The following TMCC3 variants were observed in gnomAD, a reference collection of about 807,000 sequenced individuals.
The protein encoded by TMCC3 is transmembrane and coiled-coil domain family 3.
TMCC3 carries 28 observed loss-of-function variants against 40.2 expected under a neutral mutation model. That is an observed-to-expected ratio of 0.70 (90% CI 0.52 to 0.95). TMCC3 has a LOEUF of 0.95. Among genes scored for constraint, TMCC3 ranks in the 40% least tolerant of loss-of-function variants. TMCC3 has a pLI of 0.00. For synonymous variants in TMCC3, 255 were observed against 248.5 expected (o/e 1.03, Z -0.25); for missense variants, 554 against 615.2 (o/e 0.90, Z 1.05).
intron 3 of TMCC3, among the ~76,000 whole-genome samples, chr12:94,572,460 G>A (rs995370191): frequency 2.0e-5 from 3 of 151,766 alleles, no homozygotes; most frequent in Admixed American, 6.6e-5. Context: ...ACAGGTGCAC[G>A]CCACCACGCT....
chr12:94,597,354 A>G (rs2068724617), intron 1 of TMCC3, among the ~76,000 whole-genome samples: 2 of 151,626 alleles, frequency 1.3e-5, no homozygotes, highest in African/African-American at 4.9e-5. Context: ...TCTCCCACGT[A>G]CAGAATATGC....
intron 1 of TMCC3, among the ~76,000 whole-genome samples, chr12:94,628,051 C>T (rs2068913009): frequency 6.6e-6 from 1 of 152,226 alleles, no homozygotes; most frequent in South Asian, 2.1e-4. Context: ...CCTGACGTAC[C>T]ACATAGCCCG....
At position 94,567,985 on chromosome 12, in the gene TMCC3, T is replaced by G. The variant is rs1404013894; in HGVS notation, c.*3450A>C. ...ATATGCTAGAGAAATGGCAAGGCAA[T>G]AAACACAGAGTGGGGCAATATTTAA... On this transcript the variant is annotated 3_prime_UTR_variant, in exon 4 of 4. Transcript: ENST00000261226. 1 of 152,038 alleles carries G rather than the reference T, an allele frequency of 6.6e-6. No individual in the cohort carries two copies. The highest frequency in any genetic ancestry group is 2.4e-5 in the African/African-American group (1 of 41,384). The allele number at this position is 152,038 out of a possible 1,614,324, so 9.4% of individuals were successfully genotyped here.
chr12:94,630,933 T>C (rs1205856359), intron 1 of TMCC3, among the ~76,000 whole-genome samples: 1 of 152,154 alleles, frequency 6.6e-6, no homozygotes, highest in African/African-American at 2.4e-5. Context: ...TTCACCATAC[T>C]GGCCAGGCTG....
intron 1 of TMCC3, among the ~76,000 whole-genome samples, chr12:94,597,124 C>CATACATACATATATATATATAT (rs1491316794): frequency 4.7e-4 from 14 of 29,804 alleles, no homozygotes; most frequent in Non-Finnish European, 9.6e-4. Context: ...TATTAAAATA[C>CATACATACATATATATATATAT]ATATATATAT....
chr12:94,594,483 A>G (rs1348679508), intron 1 of TMCC3, among the ~76,000 whole-genome samples: 2 of 152,172 alleles, frequency 1.3e-5, no homozygotes, highest in Non-Finnish European at 2.9e-5. Context: ...GGTGAGCAAG[A>G]GCTGCTAGGC....
In TMCC3 at chr12:94,633,949, A is replaced by AT. The variant is rs775942177; in HGVS notation, c.78+16403dup. 7.4e-3 allele frequency among the ~76,000 whole-genome samples: 1,048 copies of AT among 142,240 alleles called. 8 individuals carry two copies. Among genetic ancestry groups the AT allele is most frequent in the South Asian group, 0.012 (56 of 4,524 alleles). 93.3% of individuals were successfully genotyped at this position (142,240 alleles called of 152,430 possible). On this transcript the variant is annotated intron_variant, in intron 1 of 3. Transcript: ENST00000261226. ...ATATATATTATTCTTTTTGTTTTTTATTTTTTTTTTTTTTGAGACAGAGTC... is the reference window on the plus strand; with the variant it reads ...ATATATATTATTCTTTTTGTTTTTTATTTTTTTTTTTTTTTGAGACAGAGTC...
intron 1 of TMCC3, among the ~76,000 whole-genome samples, chr12:94,639,591 A>C: frequency 6.6e-6 from 1 of 151,764 alleles, no homozygotes; most frequent in South Asian, 2.1e-4. Context: ...TAAATAAATA[A>C]GTAAATAAAT....
Position 94,593,358 on chromosome 12 carries a change from C to CAAAAAA in TMCC3, c.79-10821_79-10820insTTTTTT, listed in dbSNP as rs1566320415. Among the ~76,000 whole-genome samples, 3 of 67,278 alleles carry CAAAAAA rather than the reference C, an allele frequency of 4.5e-5. 1 individual carries two copies. The highest frequency in any genetic ancestry group is 1.2e-4 in the African/African-American group (2 of 16,202). The allele number at this position is 67,278 out of a possible 152,430, so 44.1% of individuals were successfully genotyped here. A position where few individuals can be genotyped will look rare whatever the true frequency, so the allele number is the denominator to read the frequency against. Reference sequence around the variant, plus strand: ...TTCAAGCCTGGACAACAGGCTCCATCTAAAAAAAAAAAAAGAAAAGAAAAG... The same window carrying CAAAAAA: ...TTCAAGCCTGGACAACAGGCTCCATCAAAAAATAAAAAAAAAAAAAGAAAAGAAAAG... On this transcript the variant is annotated intron_variant, in intron 1 of 3. Transcript: ENST00000261226.
intron 1 of TMCC3, among the ~76,000 whole-genome samples, chr12:94,584,555 C>A (rs1373317745): frequency 6.6e-6 from 1 of 151,744 alleles, no homozygotes; most frequent in East Asian, 1.9e-4. Flanking sequence ...TAACACTTCA[C>A]CACGTTATAA....
At chr12:94,592,625 G>A (rs1306593170) in intron 1 of TMCC3, among the ~76,000 whole-genome samples, 1 of 35,836 alleles carries the variant, frequency 2.8e-5, no homozygotes, top group South Asian at 8.9e-4. Context: ...CCAAGATTGC[G>A]CCACTGCATT....
intron 1 of TMCC3, among the ~76,000 whole-genome samples, chr12:94,585,531 C>A (rs529387011): frequency 6.6e-6 from 1 of 152,018 alleles, no homozygotes; most frequent in Non-Finnish European, 1.5e-5. Flanking sequence ...CCTGTCTCTA[C>A]TAAAAATACA....
At chr12:94,586,159 G>A (rs1266152083) in intron 1 of TMCC3, among the ~76,000 whole-genome samples, 7 of 152,052 alleles carry the variant, frequency 4.6e-5, no homozygotes, top group Admixed American at 1.3e-4. Context: ...ATTTTTTTCC[G>A]AGTATCAATG....
intron 1 of TMCC3, among the ~76,000 whole-genome samples, chr12:94,627,254 C>G (rs1189741479): frequency 6.6e-6 from 1 of 152,116 alleles, no homozygotes; most frequent in Non-Finnish European, 1.5e-5. Context: ...GGCCTGTTGC[C>G]CCCAAAGCCC....
chr12:94,622,159 C>G (rs191663766), intron 1 of TMCC3, among the ~76,000 whole-genome samples: 15 of 152,276 alleles, frequency 9.9e-5, no homozygotes, highest in Admixed American at 9.8e-4. Flanking sequence ...CTGCTCCTTA[C>G]TTTTGGGAGA....
At chr12:94,623,265 G>A (rs999623396) in intron 1 of TMCC3, among the ~76,000 whole-genome samples, 1 of 152,090 alleles carries the variant, frequency 6.6e-6, no homozygotes, top group Non-Finnish European at 1.5e-5. Flanking sequence ...AGTGGACTGA[G>A]CAGAGCTACT....
chr12:94,585,456 G>A (rs897672444), intron 1 of TMCC3, among the ~76,000 whole-genome samples: 1 of 152,138 alleles, frequency 6.6e-6, no homozygotes, highest in Non-Finnish European at 1.5e-5. Context: ...CAGCACTTTG[G>A]GAGGCTGAGG....
At chr12:94,650,286 C>G in intron 1 of TMCC3, 67 bp downstream of exon 1, 1 of 1,064,584 alleles carries the variant, frequency 9.4e-7, no homozygotes, top group Non-Finnish European at 1.2e-6. Flanking sequence ...AGCACTGAGC[C>G]GCCGCCCCAG....
intron 1 of TMCC3, among the ~76,000 whole-genome samples, chr12:94,617,300 T>G (rs1005489362): frequency 2.6e-5 from 4 of 152,140 alleles, no homozygotes; most frequent in Non-Finnish European, 4.4e-5. Context: ...CTTAGGCAAC[T>G]CTCTGAGGAG....
Sources: allele counts gnomAD v4.1 joint callset (sites outside exome capture counted in the v4.1 genomes callset), GRCh38; gene constraint gnomAD v4.1.1; transcripts MANE v1.5; gene names NCBI Gene and HGNC (gene_info 2026-07-23, HGNC 2026-07-21).